The following SLC24A2 variants were observed in gnomAD, a reference collection of about 807,000 sequenced individuals.
SLC24A2 encodes solute carrier family 24 member 2.
Under a neutral mutation model 62.0 loss-of-function variants are expected in SLC24A2, and 36 were observed. The observed-to-expected ratio is 0.58, with a 90% CI of 0.44 to 0.77. The LOEUF (loss-of-function observed/expected upper bound fraction) is 0.77. SLC24A2 is among the 30% of genes least tolerant of loss of function. The pLI is 0.00. For missense variants in SLC24A2, 846 were observed against 817.9 expected (o/e 1.03, Z -0.42); for synonymous variants, 358 against 294.0 (o/e 1.22, Z -2.23).
chr9:20,196,633 C>T, the SLC24A2 span, among the ~76,000 whole-genome samples: 358 of 152,230 alleles, frequency 2.4e-3, 12 homozygotes, highest in East Asian at 0.058. Context: ...TATGTCAGGC[C>T]TAGCTAATAC....
chr9:19,851,002 C>CATATATATATATATAT, the SLC24A2 span, among the ~76,000 whole-genome samples: 1 of 28,640 alleles, frequency 3.5e-5, no homozygotes, highest in African/African-American at 1.3e-4. Flanking sequence ...TATATATATA[C>CATATATATATATATAT]ACATACATAT....
intron 5 of SLC24A2, among the ~76,000 whole-genome samples, chr9:19,590,265 C>G (rs1836510951): frequency 6.6e-6 from 1 of 152,208 alleles, no homozygotes; most frequent in Non-Finnish European, 1.5e-5. Flanking sequence ...CTTCCAGACC[C>G]TCATATCCAG....
the SLC24A2 span, among the ~76,000 whole-genome samples, chr9:19,851,966 G>C: frequency 1.3e-5 from 2 of 152,076 alleles, no homozygotes; most frequent in Non-Finnish European, 2.9e-5. Context: ...AAGCGTTCCT[G>C]TTTCTCTGCA....
intron 2 of SLC24A2, among the ~76,000 whole-genome samples, chr9:19,696,930 C>A (rs1456745368): frequency 6.6e-6 from 1 of 151,994 alleles, no homozygotes; most frequent in Non-Finnish European, 1.5e-5. Context: ...GTAACTTTGT[C>A]ATGTACCTGG....
intron 8 of SLC24A2, among the ~76,000 whole-genome samples, chr9:19,548,207 T>C (rs756162989): frequency 1.4e-5 from 2 of 147,962 alleles, no homozygotes; most frequent in Non-Finnish European, 2.9e-5. Context: ...TGAAGACTTA[T>C]GATAAATTAT....
the SLC24A2 span, among the ~76,000 whole-genome samples, chr9:19,998,165 C>A: frequency 6.6e-6 from 1 of 152,146 alleles, no homozygotes; most frequent in Non-Finnish European, 1.5e-5. Flanking sequence ...CTGTAATTAT[C>A]ATTTTCTCCA....
chr9:19,780,207 G>A lies in SLC24A2; in HGVS notation c.930+5730C>T, dbSNP rs866777244. ...GGTACTTAGGTTGTTTAGCTGGAGCGTAAACATCTTAATTAACTTTATAGT... is the reference window on the plus strand; with the variant it reads ...GGTACTTAGGTTGTTTAGCTGGAGCATAAACATCTTAATTAACTTTATAGT... On this transcript the variant is annotated intron_variant, in intron 2 of 10. Coordinates refer to ENST00000341998, the MANE Select transcript of SLC24A2 (RefSeq NM_020344.4). Among the ~76,000 whole-genome samples, 5 of 152,204 alleles carry A rather than the reference G, an allele frequency of 3.3e-5. No individual in the cohort carries two copies. The South Asian group carries it at 8.3e-4, about 25-fold the overall frequency.
At chr9:20,124,318 AG>A in the SLC24A2 span, among the ~76,000 whole-genome samples, 163 of 151,672 alleles carry the variant, frequency 1.1e-3, no homozygotes, top group African/African-American at 3.8e-3. Flanking sequence ...AAAAAAAAAA[AG>A]AATCTGATTC....
the SLC24A2 span, among the ~76,000 whole-genome samples, chr9:20,044,539 G>C: frequency 6.6e-6 from 1 of 152,138 alleles, no homozygotes; most frequent in East Asian, 1.9e-4. Flanking sequence ...GCTGGGTCAA[G>C]GAAACCAGGA....
the SLC24A2 span, among the ~76,000 whole-genome samples, chr9:20,168,043 C>T: frequency 7.8e-4 from 118 of 152,074 alleles, no homozygotes; most frequent in African/African-American, 2.6e-3. Flanking sequence ...CCCATAGGGT[C>T]ATTATCCATG....
chr9:20,039,820 T>C, the SLC24A2 span, among the ~76,000 whole-genome samples: 2 of 152,298 alleles, frequency 1.3e-5, no homozygotes, highest in East Asian at 3.9e-4. Flanking sequence ...AGGGAAGAGA[T>C]AGCAAGGACC....
At chr9:20,215,186 G>T in the SLC24A2 span, among the ~76,000 whole-genome samples, 1 of 152,200 alleles carries the variant, frequency 6.6e-6, no homozygotes, top group African/African-American at 2.4e-5. Flanking sequence ...GGTGGAAGGG[G>T]ATAGCTAGCT....
At chr9:19,690,636 C>G (rs1376495804) in intron 2 of SLC24A2, among the ~76,000 whole-genome samples, 3 of 152,146 alleles carry the variant, frequency 2.0e-5, no homozygotes, top group African/African-American at 7.2e-5. Flanking sequence ...CTGCCTGAGG[C>G]CTCCTTAGAT....
At chr9:19,741,045 G>C (rs763912509) in intron 2 of SLC24A2, among the ~76,000 whole-genome samples, 5 of 152,136 alleles carry the variant, frequency 3.3e-5, no homozygotes, top group Non-Finnish European at 7.3e-5. Flanking sequence ...TTAAGATGTT[G>C]CTATCCTCTG....
At chr9:20,153,101 A>G in the SLC24A2 span, among the ~76,000 whole-genome samples, 1 of 151,926 alleles carries the variant, frequency 6.6e-6, no homozygotes. Flanking sequence ...AAAGAAATAA[A>G]CAAAAATTAC....
the SLC24A2 span, among the ~76,000 whole-genome samples, chr9:19,993,933 C>T: frequency 6.6e-6 from 1 of 152,092 alleles, no homozygotes; most frequent in African/African-American, 2.4e-5. Context: ...TTATTGAGAC[C>T]CCACTATTGC....
chr9:19,904,181 G>A, the SLC24A2 span, among the ~76,000 whole-genome samples: 54 of 151,894 alleles, frequency 3.6e-4, no homozygotes, highest in African/African-American at 1.2e-3. Flanking sequence ...GAAGAATCTT[G>A]GGCACCATCC....
intron 2 of SLC24A2, among the ~76,000 whole-genome samples, chr9:19,769,382 C>A (rs1822615792): frequency 6.6e-6 from 1 of 152,244 alleles, no homozygotes. Flanking sequence ...AGTGCCTGAA[C>A]ATGTGGGTCA....
chr9:20,214,550 G>C, the SLC24A2 span, among the ~76,000 whole-genome samples: 3 of 152,034 alleles, frequency 2.0e-5, no homozygotes, highest in African/African-American at 4.8e-5. Flanking sequence ...AGGAGGCACA[G>C]CTTGCAGTGA....
Sources: allele counts gnomAD v4.1 joint callset (sites outside exome capture counted in the v4.1 genomes callset), GRCh38; gene constraint gnomAD v4.1.1; transcripts MANE v1.5; gene names NCBI Gene and HGNC (gene_info 2026-07-23, HGNC 2026-07-21).